Variants in CNBD1 observed in about 807,000 individuals in gnomAD.
CNBD1 encodes the protein cyclic nucleotide binding domain containing 1, also known as cyclic nucleotide-binding domain-containing protein 1.
Under a neutral mutation model 54.4 loss-of-function variants are expected in CNBD1, and 71 were observed. The observed-to-expected ratio is 1.30, with a 90% CI of 1.08 to 1.59. The LOEUF is 1.59. Ranked by LOEUF, CNBD1 falls within the 40% of genes most tolerant of loss-of-function variation. The pLI, the probability that CNBD1 is intolerant of heterozygous loss-of-function variation, is 0.00. For synonymous variants in CNBD1, 182 were observed against 170.7 expected (o/e 1.07, Z -0.51); for missense variants, 659 against 518.0 (o/e 1.27, Z -2.64).
chr8:87,367,496 T>C (rs1810665125), intron 10 of CNBD1, among the ~76,000 whole-genome samples: 1 of 152,076 alleles, frequency 6.6e-6, no homozygotes, highest in Admixed American at 6.6e-5. Flanking sequence ...AACATTTCAG[T>C]GTGCATGAAG....
At chr8:87,295,160 A>T (rs992361226) in intron 8 of CNBD1, among the ~76,000 whole-genome samples, 8 of 151,864 alleles carry the variant, frequency 5.3e-5, no homozygotes, top group Admixed American at 2.0e-4. Flanking sequence ...AAGCTTTAAT[A>T]ATTTACCTCA....
chr8:87,136,620 TATATTATATTTATATTATATATAAATTA>T (rs1320048987), intron 4 of CNBD1, among the ~76,000 whole-genome samples: 2 of 35,090 alleles, frequency 5.7e-5, no homozygotes, highest in African/African-American at 2.7e-4. Flanking sequence ...ATATAAATTA[TATATTATATTTATATTATATATAAATTA>T]TATATTATAT....
chr8:87,338,188 A>G (rs1191834540), intron 8 of CNBD1, among the ~76,000 whole-genome samples: 1 of 152,192 alleles, frequency 6.6e-6, no homozygotes, highest in Non-Finnish European at 1.5e-5. Context: ...ATAAGAATGA[A>G]ATAATCTATT....
chr8:86,961,587 G>T (rs1431299888), intron 4 of CNBD1, among the ~76,000 whole-genome samples: 2 of 152,228 alleles, frequency 1.3e-5, no homozygotes, highest in African/African-American at 2.4e-5. Flanking sequence ...TGGAGAGGTG[G>T]AGGTCCAGAG....
intron 6 of CNBD1, among the ~76,000 whole-genome samples, chr8:87,267,487 T>C (rs910541649): frequency 1.3e-5 from 2 of 152,186 alleles, no homozygotes; most frequent in Non-Finnish European, 2.9e-5. Context: ...TTAGATGCTC[T>C]AGTGCTAACA....
At chr8:87,224,581 T>C (rs544260936) in intron 5 of CNBD1, among the ~76,000 whole-genome samples, 21 of 151,626 alleles carry the variant, frequency 1.4e-4, no homozygotes, top group African/African-American at 4.9e-4. Flanking sequence ...CTGAGGGCTC[T>C]GTTCTGTTCC....
chr8:87,017,279 A>G (rs980029843), intron 4 of CNBD1, among the ~76,000 whole-genome samples: 85 of 152,346 alleles, frequency 5.6e-4, no homozygotes, highest in African/African-American at 1.9e-3. Context: ...AATAGGTACT[A>G]TATCTAACTG....
rs181496693 is a variant in CNBD1 at position 87,079,786 on chromosome 8, T to A, written c.432-126207T>A. ...TTCTGTGGCTTGCATTTTAATTTTT[T>A]AAAAAAGATCTTTTAAATAGCGGGA... On this transcript the variant is annotated intron_variant, in intron 4 of 10. Transcript: ENST00000518476. 2.4e-3 allele frequency among the ~76,000 whole-genome samples: 361 copies of A among 152,272 alleles called. 4 individuals are homozygous for A. Among genetic ancestry groups the A allele is most frequent in the African/African-American group, 8.2e-3 (341 of 41,566 alleles).
chr8:87,170,778 T>G (rs1375548256), intron 4 of CNBD1, among the ~76,000 whole-genome samples: 1 of 152,188 alleles, frequency 6.6e-6, no homozygotes, highest in Non-Finnish European at 1.5e-5. Flanking sequence ...GATCACATGT[T>G]TTTTCCCATC....
chr8:87,251,128 TAAAA>T (rs1183409635), intron 6 of CNBD1, among the ~76,000 whole-genome samples: 1 of 151,806 alleles, frequency 6.6e-6, no homozygotes, highest in Admixed American at 6.6e-5. Flanking sequence ...CCTTAATAAT[TAAAA>T]AATTAAAATT....
chr8:86,913,920 T>C (rs1809143780), intron 3 of CNBD1, among the ~76,000 whole-genome samples: 1 of 152,124 alleles, frequency 6.6e-6, no homozygotes, highest in Admixed American at 6.5e-5. Flanking sequence ...TGCATTCTTT[T>C]CCCAGGGTTG....
At chr8:87,426,090 G>A (rs999932788) in intron 2 of CNBD1, among the ~76,000 whole-genome samples, 26 of 152,178 alleles carry the variant, frequency 1.7e-4, no homozygotes, top group Admixed American at 1.3e-3. Flanking sequence ...TCCAGGTGCC[G>A]TCCATCACCC....
At chr8:87,285,892 A>T (rs961653042) in intron 7 of CNBD1, among the ~76,000 whole-genome samples, 9 of 152,012 alleles carry the variant, frequency 5.9e-5, no homozygotes, top group Admixed American at 6.6e-5. Flanking sequence ...AATAAATAAA[A>T]AATAATGGGA....
chr8:87,231,993 A>G (rs911866086), intron 5 of CNBD1, among the ~76,000 whole-genome samples: 1 of 152,162 alleles, frequency 6.6e-6, no homozygotes, highest in Non-Finnish European at 1.5e-5. Context: ...TTGAATTCAC[A>G]TGAATCATTT....
chr8:87,399,176 G>C (rs1335721653), intron 2 of CNBD1, among the ~76,000 whole-genome samples: 1 of 151,984 alleles, frequency 6.6e-6, no homozygotes. Context: ...ATAGCTGATG[G>C]TTATTTTTGT....
intron 2 of CNBD1, among the ~76,000 whole-genome samples, chr8:87,388,459 A>G (rs1811237835): frequency 6.6e-6 from 1 of 152,186 alleles, no homozygotes; most frequent in Non-Finnish European, 1.5e-5. Flanking sequence ...ACCATCAGAG[A>G]ATACTATAAA....
At chr8:87,025,719 T>C (rs1004020241) in intron 4 of CNBD1, among the ~76,000 whole-genome samples, 2 of 152,118 alleles carry the variant, frequency 1.3e-5, no homozygotes, top group African/African-American at 4.8e-5. Context: ...GCTGTAACAC[T>C]CACTGTGAAG....
intron 7 of CNBD1, among the ~76,000 whole-genome samples, chr8:87,285,463 G>A (rs1445028275): frequency 4.6e-5 from 7 of 152,062 alleles, no homozygotes; most frequent in Admixed American, 4.6e-4. Flanking sequence ...TGAGGCTAGG[G>A]GCGGTGGCTC....
chr8:87,263,580 T>G (rs1257566930), intron 6 of CNBD1, among the ~76,000 whole-genome samples: 1 of 152,164 alleles, frequency 6.6e-6, no homozygotes, highest in Non-Finnish European at 1.5e-5. Context: ...TATATTCACA[T>G]AGAATAGTAT....
Sources: gnomAD v4.1 joint callset for allele counts (sites outside exome capture counted in the v4.1 genomes callset) on GRCh38, gnomAD v4.1.1 for gene constraint, MANE v1.5 for transcripts, NCBI Gene and HGNC (gene_info 2026-07-23, HGNC 2026-07-21) for gene names.